The following GAPVD1 variants were observed in gnomAD, a reference collection of about 807,000 sequenced individuals.
GAPVD1 encodes the protein GTPase-activating protein and VPS9 domain-containing protein 1.
A neutral mutation model predicts 155.5 loss-of-function variants in GAPVD1; 35 were observed. The ratio of observed to expected loss-of-function variants is 0.23; its 90% CI spans 0.17 to 0.30. GAPVD1 has a LOEUF of 0.30. GAPVD1 is among the 10% of genes least tolerant of loss of function. The probability of loss-of-function intolerance (pLI) is 1.00; values close to 1 mark genes in which losing one functional copy is unlikely to be tolerated. For missense variants in GAPVD1, 1,429 were observed against 1,775.7 expected (o/e 0.80, Z 3.51); for synonymous variants, 636 against 619.7 (o/e 1.03, Z -0.39).
At chr9:125,329,960 G>A (rs1845847203) in intron 12 of GAPVD1, 118 bp from the exon 13 acceptor site, 2 of 735,940 alleles carry the variant, frequency 2.7e-6, no homozygotes, top group African/African-American at 3.6e-5. Context: ...GGGATTACAG[G>A]TGTGAGCCAC....
chr9:125,359,501 G>A lies in GAPVD1; in HGVS notation c.4044+9G>A. 1 of 1,339,424 alleles carries A rather than the reference G, an allele frequency of 7.5e-7. No homozygotes were observed. Among genetic ancestry groups the A allele is most frequent in the Non-Finnish European group, 1.1e-6 (1 of 929,730 alleles). 83.0% of individuals were successfully genotyped at this position (1,339,424 alleles called of 1,614,324 possible). A position where few individuals can be genotyped will look rare whatever the true frequency, so the allele number is the denominator to read the frequency against. ...CTCTTCAGATACCAGAGGTAATACA[G>A]GTTTATATAGCATGGGTAATGTTAA... On this transcript the variant is annotated intron_variant, in intron 26 of 27. Coordinates refer to ENST00000297933, the MANE Select transcript of GAPVD1 (RefSeq NM_001282680.3).
intron 27 of GAPVD1, among the ~76,000 whole-genome samples, 164 bp from the exon 28 acceptor site, chr9:125,362,442 A>C (rs1851078488): frequency 6.6e-6 from 1 of 152,204 alleles, no homozygotes; most frequent in Admixed American, 6.5e-5. Context: ...ATTGCTACTC[A>C]TGGAAACTAG....
At chr9:125,273,048 T>G (rs1238484163) in intron 2 of GAPVD1, among the ~76,000 whole-genome samples, 1 of 152,214 alleles carries the variant, frequency 6.6e-6, no homozygotes, top group Non-Finnish European at 1.5e-5. Flanking sequence ...AAGTTTACAG[T>G]GTTCTAAGGA....
intron 9 of GAPVD1, among the ~76,000 whole-genome samples, chr9:125,316,896 A>G (rs182238955): frequency 7.9e-4 from 121 of 152,344 alleles, no homozygotes; most frequent in African/African-American, 2.7e-3. Context: ...CATTCTCTCC[A>G]GCATCTGTTG....
At chr9:125,358,089 GT>G (rs1347333907) in intron 25 of GAPVD1, among the ~76,000 whole-genome samples, 2 of 151,980 alleles carry the variant, frequency 1.3e-5, no homozygotes, top group Non-Finnish European at 2.9e-5. Flanking sequence ...AGATTTTGCA[GT>G]TTTATTTTTC....
rs767811714 is a variant in GAPVD1, at chr9:125,355,893, AC to A, written c.3971+37del. On this transcript the variant is annotated intron_variant, in intron 25 of 27. Transcript: ENST00000297933. ...CTATGTTGAGTGCCTATGTGGAACT[AC>A]ATAGGGATCTACCAGGTAGCCCATA... The A allele has an allele frequency of 7.9e-6, 9 of 1,143,088 alleles. No individual in the cohort carries two copies. The East Asian group carries it at 1.9e-4, about 24-fold the overall frequency. The allele number at this position is 1,143,088 out of a possible 1,614,324, so 70.8% of individuals were successfully genotyped here.
At position 125,331,927 on chromosome 9, in the gene GAPVD1, G is replaced by A. The variant is rs1846147502; in HGVS notation, c.2175G>A (p.Glu725=). 1 of 1,613,904 alleles carries A rather than the reference G, an allele frequency of 6.2e-7. No individual in the cohort carries two copies. ...WSVEVLPSDS[E]APDLKQEERL... ...ACATACCTCTTATCTTCTATTTAGAGGCCCCAGACCTAAAGCAGGAGGAGC... is the reference window on the plus strand; with the variant it reads ...ACATACCTCTTATCTTCTATTTAGAAGCCCCAGACCTAAAGCAGGAGGAGC... The change falls in exon 14 of 28, where the codon GAG becomes GAA. Residue 725 remains glutamate (E), a splice_region_variant and synonymous_variant. Transcript: ENST00000297933.
At chr9:125,345,645 C>T (rs1044521737) in intron 19 of GAPVD1, among the ~76,000 whole-genome samples, 5 of 152,168 alleles carry the variant, frequency 3.3e-5, no homozygotes, top group African/African-American at 1.2e-4. Context: ...AGCCGATGAG[C>T]ATGCTACTTA....
intron 2 of GAPVD1, among the ~76,000 whole-genome samples, chr9:125,272,255 C>T (rs1835039194): frequency 6.6e-6 from 1 of 152,174 alleles, no homozygotes; most frequent in Admixed American, 6.5e-5. Flanking sequence ...AACTCCTGAC[C>T]TCGTGATCCA....
At chr9:125,316,635 A>G (rs1043009453) in intron 9 of GAPVD1, among the ~76,000 whole-genome samples, 2 of 152,150 alleles carry the variant, frequency 1.3e-5, no homozygotes, top group Non-Finnish European at 2.9e-5. Context: ...TATCCAGTCT[A>G]TTGTTGATGG....
rs374797901 is a variant in GAPVD1 at position 125,349,433 on chromosome 9, C to T, written c.3213C>T (p.Asp1071=). The change falls in exon 21 of 28, where the codon GAC becomes GAT. Residue 1071 remains aspartate (D), a synonymous_variant. Coordinates refer to ENST00000297933, the MANE Select transcript of GAPVD1 (RefSeq NM_001282680.3). ...DGESAHDSPR[D]EALQNISADD... is the part of the protein sequence containing the mutation. ...AAAGTGCACATGATTCTCCCCGTGA[C>T]GAAGCACTGCAGAACATCTCGGCTG... 35 of 1,613,568 alleles carry T rather than the reference C, an allele frequency of 2.2e-5. No homozygotes were observed. Among genetic ancestry groups the T allele is most frequent in the Middle Eastern group, 1.6e-4 (1 of 6,084 alleles).
At chr9:125,348,593 ACCTC>A (rs1163679903) in intron 20 of GAPVD1, among the ~76,000 whole-genome samples, 1 of 151,438 alleles carries the variant, frequency 6.6e-6, no homozygotes, top group African/African-American at 2.4e-5. Flanking sequence ...GCTCACTGCA[ACCTC>A]CACCTCCCGA....
chr9:125,308,219 G>T, intron 8 of GAPVD1: 1 of 330,278 alleles, frequency 3.0e-6, no homozygotes, highest in Non-Finnish European at 5.5e-6. Context: ...GGTGGCACGT[G>T]CCTGTGGTCC....
intron 14 of GAPVD1, 58 bp from the exon 15 acceptor site, chr9:125,332,452 T>C: frequency 7.2e-7 from 1 of 1,393,250 alleles, no homozygotes. Context: ...TTTCATATAC[T>C]TTTTGTGTGG....
intron 19 of GAPVD1, among the ~76,000 whole-genome samples, chr9:125,345,406 C>T (rs567822946): frequency 1.3e-5 from 2 of 152,264 alleles, no homozygotes; most frequent in South Asian, 2.1e-4. Flanking sequence ...GTCTCGAACT[C>T]CTGACCGTGG....
intron 5 of GAPVD1, among the ~76,000 whole-genome samples, chr9:125,303,088 A>G (rs1182833066): frequency 6.6e-6 from 1 of 152,008 alleles, no homozygotes; most frequent in African/African-American, 2.4e-5. Flanking sequence ...GCAGTGGCGC[A>G]ATCTCAGCTC....
At chr9:125,351,920 T>C (rs1307490513) in intron 23 of GAPVD1, among the ~76,000 whole-genome samples, 1 of 152,114 alleles carries the variant, frequency 6.6e-6, no homozygotes, top group African/African-American at 2.4e-5. Flanking sequence ...TTGTATTTTT[T>C]AGTAGAGATG....
In GAPVD1 at chr9:125,323,816, A is replaced by G; in HGVS notation, c.1751A>G (p.Asn584Ser). ...TCTCTAGGTCCTTCAAATCGCTCCA[A>G]TTCAGTGTCCTCCCTAGACCTAGAA... ...GISEGPSNRS[N>S]SVSSLDLEGE... Residue 584 changes from asparagine to serine, a missense_variant, in exon 11 of 28, where the codon AAT becomes AGT. By Grantham distance (46) the Asn-to-Ser change is conservative (BLOSUM62 1). Coordinates refer to ENST00000297933, the MANE Select transcript of GAPVD1 (RefSeq NM_001282680.3). 1 of 1,613,778 alleles carries G rather than the reference A, an allele frequency of 6.2e-7. No homozygotes were observed. Among genetic ancestry groups the G allele is most frequent in the Non-Finnish European group, 8.5e-7 (1 of 1,179,700 alleles).
intron 21 of GAPVD1, among the ~76,000 whole-genome samples, chr9:125,349,860 AAAG>A (rs1297759812): frequency 1.3e-5 from 2 of 152,048 alleles, no homozygotes; most frequent in Non-Finnish European, 2.9e-5. Context: ...AAAAAAAAAA[AAAG>A]AAGAAAGGGT....
Sources: gnomAD v4.1 joint callset for allele counts (sites outside exome capture counted in the v4.1 genomes callset) on GRCh38, gnomAD v4.1.1 for gene constraint, MANE v1.5 for transcripts, NCBI Gene and HGNC (gene_info 2026-07-23, HGNC 2026-07-21) for gene names.